Variants in SLC26A3 observed in about 807,000 individuals in gnomAD.
SLC26A3 encodes solute carrier family 26 member 3, also known as chloride anion exchanger.
In SLC26A3, 64 loss-of-function variants were observed where a neutral mutation model predicts 85.6. The ratio of observed to expected loss-of-function variants is 0.75; its 90% CI spans 0.61 to 0.92. SLC26A3 has a LOEUF of 0.92. Ranked by LOEUF, SLC26A3 falls within the 40% of genes least tolerant of loss-of-function variation. The pLI is 0.00. For synonymous variants in SLC26A3, 349 were observed against 336.0 expected, an observed-to-expected ratio of 1.04 and a Z score of -0.42; for missense variants, 922 against 927.3, an observed-to-expected ratio of 0.99 and a Z score of 0.07.
rs1225017533 is a variant in SLC26A3 at position 107,765,773 on chromosome 7, TATGAACTTATCAATA to T, written c.*67_*81del. On this transcript the variant is annotated 3_prime_UTR_variant, in exon 21 of 21. Coordinates refer to ENST00000340010, the MANE Select transcript of SLC26A3 (RefSeq NM_000111.3). ...TGTCAAAAATACTCTTCGTACAATG[TATGAACTTATCAATA>T]ACTTTCTGGGTATAAAGTTGTTTTT... The T allele has an allele frequency of 9.8e-7, 1 of 1,020,710 alleles. No homozygotes were observed. Among genetic ancestry groups the T allele is most frequent in the African/African-American group, 1.6e-5 (1 of 63,584 alleles). 63.2% of individuals were successfully genotyped at this position (1,020,710 alleles called of 1,614,324 possible). A position where few individuals can be genotyped will look rare whatever the true frequency, so the allele number is the denominator to read the frequency against.
rs1227646964 is a variant in SLC26A3, at chr7:107,787,220, A to G, written c.888+137T>C. 5.1e-5 allele frequency: 45 copies of G among 878,218 alleles called. No individual in the cohort carries two copies. The Admixed American group carries it at 9.0e-4, about 18-fold the overall frequency. The allele number at this position is 878,218 out of a possible 1,614,324, so 54.4% of individuals were successfully genotyped here. The stretch of plus-strand genomic sequence containing the variant: ...TTATTAAATTCTGAATGAAAATAAA[A>G]CCATGCTAAACATTATGCCCGAAAA... On this transcript the variant is annotated intron_variant, in intron 7 of 20. Coordinates refer to ENST00000340010, the MANE Select transcript of SLC26A3 (RefSeq NM_000111.3).
intron 20 of SLC26A3, among the ~76,000 whole-genome samples, 186 bp downstream of exon 20, chr7:107,767,393 C>T (rs978173019): frequency 6.6e-6 from 1 of 152,156 alleles, no homozygotes; most frequent in Non-Finnish European, 1.5e-5. Flanking sequence ...TTGTACGGGT[C>T]TGAGTTTCTT....
rs375903590 is a variant in SLC26A3, at chr7:107,797,740, C to CTTTTTTTTT, written c.-88-3152_-88-3144dup. ...CATTTCTGAGATTCTTGAGCAGGAC[C>CTTTTTTTTT]TTTTTTTTTTGAGACGGAGTCTTGC... On this transcript the variant is annotated intron_variant, in intron 1 of 20. Coordinates refer to ENST00000340010, the MANE Select transcript of SLC26A3 (RefSeq NM_000111.3). Among the ~76,000 whole-genome samples the CTTTTTTTTT allele has an allele frequency of 2.2e-3, 282 of 127,440 alleles. 14 individuals are homozygous for CTTTTTTTTT. The highest frequency in any genetic ancestry group is 8.7e-3 in the African/African-American group (266 of 30,552). 83.6% of individuals were successfully genotyped at this position (127,440 alleles called of 152,430 possible).
chr7:107,794,146 T>C (rs1338689242), intron 2 of SLC26A3, among the ~76,000 whole-genome samples: 1 of 152,158 alleles, frequency 6.6e-6, no homozygotes, highest in East Asian at 1.9e-4. Flanking sequence ...TTTTCCTCTG[T>C]CCCCATCTGT....
At chr7:107,772,635 A>C (rs973816783) in intron 17 of SLC26A3, among the ~76,000 whole-genome samples, 8 of 152,190 alleles carry the variant, frequency 5.3e-5, no homozygotes, top group African/African-American at 1.2e-4. Flanking sequence ...ATATTGTTTG[A>C]TCAGGTTAGA....
At chr7:107,785,599 A>C (rs1317397429) in intron 8 of SLC26A3, among the ~76,000 whole-genome samples, 1 of 152,228 alleles carries the variant, frequency 6.6e-6, no homozygotes, top group Non-Finnish European at 1.5e-5. Context: ...ATTTAAGTAA[A>C]GTGAAATCAC....
Position 107,774,298 on chromosome 7 carries a change from T to A in SLC26A3, c.1774-145A>T, listed in dbSNP as rs879305012. The A allele has an allele frequency of 8.3e-6, 6 of 722,336 alleles. No homozygotes were observed. The African/African-American group carries it at 1.0e-4, about 13-fold the overall frequency. The allele number at this position is 722,336 out of a possible 1,614,324, so 44.7% of individuals were successfully genotyped here. A position where few individuals can be genotyped will look rare whatever the true frequency, so the allele number is the denominator to read the frequency against. Reference sequence around the variant, plus strand: ...TAGGTGTGGTGGCTCATGCCTGTCATCCCAGCACTTTAGGAAACTGAGGTG... The same window carrying A: ...TAGGTGTGGTGGCTCATGCCTGTCAACCCAGCACTTTAGGAAACTGAGGTG... On this transcript the variant is annotated intron_variant, in intron 16 of 20. Coordinates refer to ENST00000340010, the MANE Select transcript of SLC26A3 (RefSeq NM_000111.3).
chr7:107,799,095 G>A (rs1036504919), intron 1 of SLC26A3, among the ~76,000 whole-genome samples: 1 of 152,180 alleles, frequency 6.6e-6, no homozygotes, highest in African/African-American at 2.4e-5. Flanking sequence ...ATGGGAGAGG[G>A]CTGGAGTGGT....
Position 107,791,095 on chromosome 7 carries a change from T to C in SLC26A3, c.523A>G (p.Arg175Gly). The C allele has an allele frequency of 6.2e-7, 1 of 1,614,182 alleles. No individual in the cohort carries two copies. Among genetic ancestry groups the C allele is most frequent in the East Asian group, 2.2e-5 (1 of 44,878 alleles). Reference protein sequence around the residue: ...NSSLLDDERVRVAAAASVTVL... With the variant: ...NSSLLDDERVGVAAAASVTVL... ...GTGACTGATGCCGCCGCCGCCACCC[T>C]CACCCTCTCGTCATCCAGTAGTGAA... The change falls in exon 5 of 21, where the codon AGG becomes GGG. Residue 175 changes from arginine (R) to glycine (G), a missense_variant. Physicochemically the swap from Arg to Gly is moderately radical, Grantham distance 125. Coordinates refer to ENST00000340010, the MANE Select transcript of SLC26A3 (RefSeq NM_000111.3).
chr7:107,791,625 A>AAATT (rs1452109471), intron 4 of SLC26A3, among the ~76,000 whole-genome samples: 5 of 149,346 alleles, frequency 3.3e-5, no homozygotes, highest in Non-Finnish European at 7.4e-5. Context: ...AAAATAAATA[A>AAATT]AAATAAATAA....
intron 1 of SLC26A3, among the ~76,000 whole-genome samples, chr7:107,801,583 T>C (rs1794599364): frequency 6.6e-6 from 1 of 152,254 alleles, no homozygotes; most frequent in African/African-American, 2.4e-5. Context: ...TTTATTCTTG[T>C]AATTGAAAAA....
At chr7:107,778,097 A>T in intron 13 of SLC26A3, 78 bp downstream of exon 13, 3 of 929,918 alleles carry the variant, frequency 3.2e-6, no homozygotes, top group Non-Finnish European at 3.5e-6. Context: ...CTGTTCTTTT[A>T]GCCAGTGACA....
intron 17 of SLC26A3, 113 bp downstream of exon 17, chr7:107,773,807 T>C: frequency 1.1e-6 from 1 of 906,934 alleles, no homozygotes; most frequent in Non-Finnish European, 1.8e-6. Flanking sequence ...CACCTCGGCC[T>C]CCCAAAGTGC....
intron 1 of SLC26A3, among the ~76,000 whole-genome samples, chr7:107,796,753 C>T (rs1007325104): frequency 6.8e-6 from 1 of 147,160 alleles, no homozygotes; most frequent in Non-Finnish European, 1.5e-5. Flanking sequence ...AGCTTTAATC[C>T]TTTGAAGGAA....
At chr7:107,798,055 T>C (rs1794540471) in intron 1 of SLC26A3, among the ~76,000 whole-genome samples, 1 of 152,100 alleles carries the variant, frequency 6.6e-6, no homozygotes, top group Non-Finnish European at 1.5e-5. Flanking sequence ...CTCTTACTAA[T>C]TATAGAATCC....
chr7:107,769,308 C>T (rs1334611759), intron 18 of SLC26A3, among the ~76,000 whole-genome samples: 1 of 151,896 alleles, frequency 6.6e-6, no homozygotes, highest in East Asian at 1.9e-4. Context: ...TTCACAATAG[C>T]AAAGACATGG....
chr7:107,799,656 T>G (rs772720013), intron 1 of SLC26A3, among the ~76,000 whole-genome samples: 1 of 152,198 alleles, frequency 6.6e-6, no homozygotes, highest in Non-Finnish European at 1.5e-5. Flanking sequence ...CCTCCCAAAA[T>G]GCTGGGATTA....
intron 1 of SLC26A3, among the ~76,000 whole-genome samples, chr7:107,797,969 T>C (rs1794539383): frequency 1.3e-5 from 2 of 152,156 alleles, no homozygotes; most frequent in Admixed American, 6.5e-5. Context: ...CTTTTCATGT[T>C]CTATCTTCAT....
rs1262726188 is a variant in SLC26A3, at chr7:107,783,326, A to C, written c.998T>G (p.Val333Gly). 2 of 1,614,190 alleles carry C rather than the reference A, an allele frequency of 1.2e-6. No individual in the cohort carries two copies. Among genetic ancestry groups the C allele is most frequent in the Non-Finnish European group, 1.7e-6 (2 of 1,180,012 alleles). ...PGFQPPITPD[V>G]ETFQNTVGDC... The stretch of plus-strand genomic sequence containing the variant: ...TCCTACGGTGTTTTGGAAAGTCTCC[A>C]CGTCAGGTGTAATAGGGGGCTGAAA... Residue 333 changes from valine to glycine, a missense_variant, in exon 9 of 21, where the codon GTG becomes GGG. Coordinates refer to ENST00000340010, the MANE Select transcript of SLC26A3 (RefSeq NM_000111.3).
Sources: gnomAD v4.1 joint callset for allele counts (sites outside exome capture counted in the v4.1 genomes callset) on GRCh38, gnomAD v4.1.1 for gene constraint, MANE v1.5 for transcripts, NCBI Gene and HGNC (gene_info 2026-07-23, HGNC 2026-07-21) for gene names.